Variants in TANC2 observed in about 807,000 individuals in gnomAD.
TANC2 encodes tetratricopeptide repeat, ankyrin repeat and coiled-coil containing 2.
TANC2 carries 26 observed loss-of-function variants against 210.5 expected under a neutral mutation model. That is an observed-to-expected ratio of 0.12 (90% CI 0.09 to 0.17). The LOEUF (loss-of-function observed/expected upper bound fraction) is 0.17. TANC2 is among the 10% of genes least tolerant of loss of function. The pLI, the probability that TANC2 is intolerant of heterozygous loss-of-function variation, is 1.00. For missense variants in TANC2, 2,129 were observed against 2,608.9 expected, an observed-to-expected ratio of 0.82 and a Z score of 4.01; for synonymous variants, 931 against 967.1, an observed-to-expected ratio of 0.96 and a Z score of 0.69.
At chr17:63,142,426 T>G (rs2039321755) in intron 4 of TANC2, among the ~76,000 whole-genome samples, 1 of 152,202 alleles carries the variant, frequency 6.6e-6, no homozygotes, top group Non-Finnish European at 1.5e-5. Context: ...TTTACGTTTC[T>G]GCAGAGTCAA....
At chr17:63,332,636 C>T (rs2045895398) in intron 11 of TANC2, 1 of 197,582 alleles carries the variant, frequency 5.1e-6, no homozygotes, top group Non-Finnish European at 1.0e-5. Flanking sequence ...TGGCCAGGGC[C>T]ACCCGAGAGC....
chr17:63,044,368 C>T (rs979625735), intron 2 of TANC2, among the ~76,000 whole-genome samples: 3 of 152,092 alleles, frequency 2.0e-5, no homozygotes, highest in African/African-American at 7.2e-5. Context: ...ATCATTTCCT[C>T]TATGTCATTC....
At chr17:63,220,770 A>C (rs1479105920) in intron 7 of TANC2, among the ~76,000 whole-genome samples, 4 of 147,650 alleles carry the variant, frequency 2.7e-5, no homozygotes, top group Admixed American at 6.8e-5. Flanking sequence ...GTGTATGTGT[A>C]TATATACATG....
intron 2 of TANC2, among the ~76,000 whole-genome samples, chr17:63,019,876 G>T (rs1249175856): frequency 1.3e-5 from 2 of 152,124 alleles, no homozygotes; most frequent in African/African-American, 2.4e-5. Context: ...GCCTTTGTCA[G>T]ATACATGGTT....
At chr17:63,134,658 A>G (rs1469279807) in intron 4 of TANC2, among the ~76,000 whole-genome samples, 1 of 152,180 alleles carries the variant, frequency 6.6e-6, no homozygotes, top group Non-Finnish European at 1.5e-5. Context: ...TATCAGAACA[A>G]CTCAGATTAT....
At chr17:63,016,460 G>T (rs2143929882) in intron 2 of TANC2, among the ~76,000 whole-genome samples, 1 of 152,214 alleles carries the variant, frequency 6.6e-6, no homozygotes, top group Non-Finnish European at 1.5e-5. Context: ...GCCACATTTT[G>T]TTGGTCTGTT....
intron 7 of TANC2, 34 bp downstream of exon 7, chr17:63,200,991 C>CT: frequency 1.3e-6 from 2 of 1,544,952 alleles, no homozygotes; most frequent in Middle Eastern, 1.7e-4. Flanking sequence ...ATTTTGTGTC[C>CT]TTTTTTTCCT....
intron 4 of TANC2, among the ~76,000 whole-genome samples, chr17:63,104,708 CT>C (rs1275941183): frequency 2.0e-5 from 3 of 152,098 alleles, no homozygotes; most frequent in African/African-American, 7.2e-5. Context: ...TGTTGGTAGC[CT>C]AGAGAGATAA....
intron 1 of TANC2, among the ~76,000 whole-genome samples, chr17:63,007,988 GTT>G (rs56950914): frequency 0.064 from 7,521 of 118,332 alleles, 525 homozygotes; most frequent in African/African-American, 0.2. Context: ...ATTGGCGCCA[GTT>G]TTTTTTTTTT....
intron 7 of TANC2, among the ~76,000 whole-genome samples, chr17:63,222,420 A>G (rs1433576376): frequency 6.6e-6 from 1 of 152,252 alleles, no homozygotes; most frequent in African/African-American, 2.4e-5. Context: ...AACATCATGG[A>G]TAAATGTTAA....
intron 19 of TANC2, among the ~76,000 whole-genome samples, chr17:63,404,260 A>G (rs565318943): frequency 6.6e-6 from 1 of 152,316 alleles, no homozygotes; most frequent in African/African-American, 2.4e-5. Flanking sequence ...ACAAATACAT[A>G]TTTGTTAAAA....
At chr17:63,055,981 AAAAAAAAAAATATATATAT>A (rs1254620645) in intron 2 of TANC2, among the ~76,000 whole-genome samples, 397 of 33,552 alleles carry the variant, frequency 0.012, 1 homozygote, top group African/African-American at 0.03. Context: ...AAAAAAAAAA[AAAAAAAAAAATATATATAT>A]ATATATATAT....
chr17:63,157,512 CA>C (rs1264805091), intron 5 of TANC2, among the ~76,000 whole-genome samples: 2 of 152,012 alleles, frequency 1.3e-5, no homozygotes, highest in Admixed American at 1.3e-4. Context: ...AGTAAAATGC[CA>C]GTGGTTTAGA....
At chr17:63,014,396 C>G (rs1410578690) in intron 2 of TANC2, among the ~76,000 whole-genome samples, 1 of 152,046 alleles carries the variant, frequency 6.6e-6, no homozygotes, top group Non-Finnish European at 1.5e-5. Context: ...CATTTTGCCC[C>G]TTGTATATAG....
intron 5 of TANC2, among the ~76,000 whole-genome samples, chr17:63,178,343 A>C (rs1023072602): frequency 3.3e-5 from 5 of 151,110 alleles, no homozygotes; most frequent in African/African-American, 7.3e-5. Context: ...AAAAAAAAAC[A>C]CAAAAAACTG....
intron 19 of TANC2, 109 bp downstream of exon 19, chr17:63,399,023 G>C: frequency 1.3e-6 from 1 of 743,890 alleles, no homozygotes; most frequent in Non-Finnish European, 2.2e-6. Flanking sequence ...TCTGTCTCAG[G>C]CTTTTGTAAT....
At chr17:63,238,219 T>C (rs2042676351) in intron 8 of TANC2, 142 bp downstream of exon 8, 1 of 1,066,448 alleles carries the variant, frequency 9.4e-7, no homozygotes, top group African/African-American at 1.6e-5. Flanking sequence ...TCTTTTGTGT[T>C]TGGGTAATAT....
intron 4 of TANC2, among the ~76,000 whole-genome samples, chr17:63,113,431 C>A (rs181867797): frequency 6.6e-6 from 1 of 152,108 alleles, no homozygotes; most frequent in Non-Finnish European, 1.5e-5. Context: ...ATTGTAAATG[C>A]GCATCCTTAC....
intron 4 of TANC2, among the ~76,000 whole-genome samples, chr17:63,115,982 A>G (rs2038236095): frequency 6.6e-6 from 1 of 152,228 alleles, no homozygotes; most frequent in Admixed American, 6.5e-5. Context: ...ATTTATGGAG[A>G]TAAATGCATC....
Sources: allele counts gnomAD v4.1 joint callset (sites outside exome capture counted in the v4.1 genomes callset), GRCh38; gene constraint gnomAD v4.1.1; transcripts MANE v1.5; gene names NCBI Gene and HGNC (gene_info 2026-07-23, HGNC 2026-07-21).